Variants in RBFOX1 observed in about 807,000 individuals in gnomAD.
RBFOX1 encodes the protein RNA binding protein fox-1 homolog 1.
A neutral mutation model predicts 57.7 loss-of-function variants in RBFOX1; 8 were observed. That is an observed-to-expected ratio of 0.14 (90% CI 0.08 to 0.25). The LOEUF is 0.25. RBFOX1 is among the 10% of genes least tolerant of loss of function. RBFOX1 has a pLI of 1.00. For synonymous variants in RBFOX1, 326 were observed against 222.4 expected, an observed-to-expected ratio of 1.47 and a Z score of -4.15; for missense variants, 611 against 548.5, an observed-to-expected ratio of 1.11 and a Z score of -1.14.
At chr16:5,921,836 G>T (rs567823125) in intron 4 of RBFOX1, among the ~76,000 whole-genome samples, 1 of 151,956 alleles carries the variant, frequency 6.6e-6, no homozygotes, top group East Asian at 1.9e-4. Context: ...GAGAGCAAGA[G>T]GGGGAGGAGC....
chr16:7,304,089 A>C lies in RBFOX1; in HGVS notation c.28-214058A>C, dbSNP rs997305724. 3 of 503,556 alleles carry C rather than the reference A, an allele frequency of 6.0e-6. No homozygotes were observed. The African/African-American group carries it at 6.3e-5, about 11-fold the overall frequency. 31.2% of individuals were successfully genotyped at this position (503,556 alleles called of 1,614,324 possible). ...GTTTCCAGGTCCCCGCAAGTGTTTT[A>C]GTTGGAGGCAGAGGAACGCCGGGAT... On this transcript the variant is annotated intron_variant, in intron 4 of 15. Coordinates refer to ENST00000550418, the MANE Select transcript of RBFOX1 (RefSeq NM_018723.4).
intron 4 of RBFOX1, among the ~76,000 whole-genome samples, chr16:7,146,106 G>A (rs529942229): frequency 1.3e-5 from 2 of 152,270 alleles, no homozygotes; most frequent in Admixed American, 1.3e-4. Flanking sequence ...AATGAACTTT[G>A]CCTGTCAAAG....
At chr16:6,093,806 A>G (rs936956983) in intron 1 of RBFOX1, among the ~76,000 whole-genome samples, 1 of 151,102 alleles carries the variant, frequency 6.6e-6, no homozygotes, top group Non-Finnish European at 1.5e-5. Flanking sequence ...TTTTGTAAAG[A>G]TGGGGGTCTC....
intron 2 of RBFOX1, among the ~76,000 whole-genome samples, chr16:5,528,271 G>T (rs1186931211): frequency 6.6e-6 from 1 of 152,108 alleles, no homozygotes; most frequent in Non-Finnish European, 1.5e-5. Context: ...AGTTTTCCGT[G>T]GGGGAGTGTA....
chr16:6,733,762 A>G (rs2069302310), intron 3 of RBFOX1, among the ~76,000 whole-genome samples: 1 of 152,136 alleles, frequency 6.6e-6, no homozygotes, highest in African/African-American at 2.4e-5. Context: ...TGCCTTAAAA[A>G]AAAATTCTGA....
At chr16:6,108,991 A>G (rs995933634) in intron 1 of RBFOX1, among the ~76,000 whole-genome samples, 2 of 152,206 alleles carry the variant, frequency 1.3e-5, no homozygotes, top group Non-Finnish European at 2.9e-5. Flanking sequence ...GTTAACATGT[A>G]CAGACTACAG....
Position 6,282,535 on chromosome 16 carries a change from A to G in RBFOX1, c.-126-34460A>G, listed in dbSNP as rs185778409. ...TATTTGTCCTAATGCTCTCCCGCCCATTGCCCACCACCCCCGACAGGCCCC... is the reference window on the plus strand; with the variant it reads ...TATTTGTCCTAATGCTCTCCCGCCCGTTGCCCACCACCCCCGACAGGCCCC... On this transcript the variant is annotated intron_variant, in intron 1 of 15. Coordinates refer to ENST00000550418, the MANE Select transcript of RBFOX1 (RefSeq NM_018723.4). 1.7e-4 allele frequency among the ~76,000 whole-genome samples: 26 copies of G among 151,586 alleles called. No homozygotes were observed. The East Asian group carries it at 5.1e-3, about 30-fold the overall frequency.
intron 4 of RBFOX1, among the ~76,000 whole-genome samples, chr16:7,391,300 C>T (rs983669396): frequency 4.6e-5 from 7 of 152,104 alleles, no homozygotes; most frequent in Non-Finnish European, 1.0e-4. Flanking sequence ...TGGGCATGTG[C>T]CCTGGTTTGT....
intron 4 of RBFOX1, among the ~76,000 whole-genome samples, chr16:7,113,161 C>G (rs961519974): frequency 6.6e-5 from 10 of 152,154 alleles, no homozygotes; most frequent in South Asian, 2.1e-4. Flanking sequence ...AATTTGTCAA[C>G]TAAATAAATA....
intron 3 of RBFOX1, among the ~76,000 whole-genome samples, chr16:6,754,441 A>G (rs1002609639): frequency 8.5e-5 from 13 of 152,200 alleles, no homozygotes; most frequent in Non-Finnish European, 1.6e-4. Flanking sequence ...GATTCAGTGA[A>G]TGAAGCTCTT....
At chr16:6,951,158 C>G (rs561072444) in intron 3 of RBFOX1, among the ~76,000 whole-genome samples, 1 of 152,148 alleles carries the variant, frequency 6.6e-6, no homozygotes, top group Non-Finnish European at 1.5e-5. Flanking sequence ...CCTCCAGCAT[C>G]AGCTTCCCAA....
chr16:7,579,970 A>T, intron 6 of RBFOX1, 50 bp downstream of exon 6: 1 of 1,586,076 alleles, frequency 6.3e-7, no homozygotes, highest in African/African-American at 1.3e-5. Context: ...GGTTCCAGAG[A>T]CCTCCCTGTC....
intron 1 of RBFOX1, among the ~76,000 whole-genome samples, chr16:6,129,480 C>G (rs1364499242): frequency 6.6e-6 from 1 of 151,622 alleles, no homozygotes; most frequent in Non-Finnish European, 1.5e-5. Context: ...CTGAAGAATA[C>G]AAAAGGAAAC....
intron 2 of RBFOX1, among the ~76,000 whole-genome samples, chr16:6,509,419 C>T (rs890814329): frequency 3.9e-5 from 6 of 152,124 alleles, no homozygotes; most frequent in Non-Finnish European, 7.3e-5. Context: ...ATGCTGAGTG[C>T]AATAAGCCAG....
chr16:5,940,539 G>T lies in RBFOX1; in HGVS notation c.351+73204G>T, dbSNP rs976466148. ...TAAGATCCTCACAGGGAGGTTTGTA[G>T]AATTTTAATGACAGCTTGCTTTGGG... On this transcript the variant is annotated intron_variant, in intron 4 of 19. Coordinates refer to the RBFOX1 transcript ENST00000641259. Among the ~76,000 whole-genome samples the T allele has an allele frequency of 6.6e-5, 10 of 152,286 alleles. 1 individual carries two copies. Among genetic ancestry groups the T allele is most frequent in the Non-Finnish European group, 1.5e-4 (10 of 68,026 alleles).
chr16:7,011,081 T>TC (rs1244848536), intron 3 of RBFOX1, among the ~76,000 whole-genome samples: 2 of 151,816 alleles, frequency 1.3e-5, no homozygotes, highest in African/African-American at 4.8e-5. Flanking sequence ...TTTTTTTTTT[T>TC]CCTGGGTGGG....
At chr16:6,110,900 A>T (rs1372445977) in intron 1 of RBFOX1, among the ~76,000 whole-genome samples, 1 of 152,212 alleles carries the variant, frequency 6.6e-6, no homozygotes, top group African/African-American at 2.4e-5. Context: ...CTGGCTCAAA[A>T]TGTCAATAGT....
At chr16:5,525,543 GC>G (rs893528726) in intron 2 of RBFOX1, among the ~76,000 whole-genome samples, 10 of 133,566 alleles carry the variant, frequency 7.5e-5, no homozygotes, top group Admixed American at 2.7e-4. Flanking sequence ...TGTTGCCAAG[GC>G]TGGAGTGCAG....
At chr16:5,441,555 A>G (rs1255789129) in intron 1 of RBFOX1, among the ~76,000 whole-genome samples, 2 of 151,892 alleles carry the variant, frequency 1.3e-5, no homozygotes, top group Non-Finnish European at 2.9e-5. Context: ...AGTAGAGATG[A>G]GGTTTCACCA....
Sources: allele counts gnomAD v4.1 joint callset (sites outside exome capture counted in the v4.1 genomes callset), GRCh38; gene constraint gnomAD v4.1.1; transcripts MANE v1.5; gene names NCBI Gene and HGNC (gene_info 2026-07-23, HGNC 2026-07-21).